Variants in BNC2 observed in about 807,000 individuals in gnomAD.
The protein encoded by BNC2 is basonuclin zinc finger protein 2.
BNC2 carries 20 observed loss-of-function variants against 76.3 expected under a neutral mutation model. The ratio of observed to expected loss-of-function variants is 0.26; its 90% CI spans 0.18 to 0.38. The LOEUF (loss-of-function observed/expected upper bound fraction) is 0.38. Ranked by LOEUF, BNC2 falls within the 10% of genes least tolerant of loss-of-function variation. The pLI is 1.00. For synonymous variants in BNC2, 582 were observed against 514.8 expected (o/e 1.13, Z -1.77); for missense variants, 1,382 against 1,399.8 (o/e 0.99, Z 0.20).
intron 3 of BNC2, among the ~76,000 whole-genome samples, chr9:16,657,162 C>T (rs1821954217): frequency 6.6e-6 from 1 of 151,974 alleles, no homozygotes; most frequent in African/African-American, 2.4e-5. Flanking sequence ...ATCAAATCTG[C>T]AGAAATTTAA....
At chr9:16,843,448 C>T (rs912167690) in intron 1 of BNC2, among the ~76,000 whole-genome samples, 1 of 152,300 alleles carries the variant, frequency 6.6e-6, no homozygotes, top group Admixed American at 6.5e-5. Context: ...GCCTCCACTG[C>T]CTCAGCCTCA....
intron 1 of BNC2, among the ~76,000 whole-genome samples, chr9:16,802,358 A>T (rs1817806411): frequency 6.6e-6 from 1 of 152,234 alleles, no homozygotes; most frequent in Non-Finnish European, 1.5e-5. Flanking sequence ...TGTCAGTCCT[A>T]TCAAATCATC....
intron 1 of BNC2, among the ~76,000 whole-genome samples, chr9:16,771,314 T>C (rs1050808857): frequency 6.6e-6 from 1 of 152,218 alleles, no homozygotes. Flanking sequence ...CCCTCTATAC[T>C]TAAAACAAGG....
chr9:16,425,830 G>A (rs1197406047), intron 6 of BNC2, among the ~76,000 whole-genome samples: 1 of 152,234 alleles, frequency 6.6e-6, no homozygotes, highest in Non-Finnish European at 1.5e-5. Flanking sequence ...AAATGTTAAT[G>A]TAGTGATGGC....
intron 1 of BNC2, among the ~76,000 whole-genome samples, chr9:16,855,624 A>G (rs902483631): frequency 2.6e-5 from 4 of 150,952 alleles, no homozygotes; most frequent in African/African-American, 4.9e-5. Flanking sequence ...TGCAACCTCC[A>G]CCTCCCGGGT....
intron 5 of BNC2, 59 bp downstream of exon 5, chr9:16,552,471 C>G (rs921227276): frequency 1.4e-6 from 2 of 1,473,648 alleles, no homozygotes; most frequent in Non-Finnish European, 9.4e-7. Flanking sequence ...CAAGGACTCT[C>G]ACCCTTCCCC....
chr9:16,691,856 G>A (rs1320063549), intron 3 of BNC2, among the ~76,000 whole-genome samples: 5 of 145,384 alleles, frequency 3.4e-5, no homozygotes, highest in Non-Finnish European at 6.0e-5. Flanking sequence ...TGTCACCCAG[G>A]CTGGAGTGCA....
chr9:16,418,698 ATGTGTG>A lies in BNC2; in HGVS notation c.*285_*290del, dbSNP rs745647566. 2.7e-5 allele frequency: 8 copies of A among 300,130 alleles called. 1 individual carries two copies. Among genetic ancestry groups the A allele is most frequent in the South Asian group, 2.5e-4 (8 of 31,612 alleles). The allele number at this position is 300,130 out of a possible 1,614,324, so 18.6% of individuals were successfully genotyped here. On this transcript the variant is annotated 3_prime_UTR_variant, in exon 7 of 7. Coordinates refer to ENST00000380672, the MANE Select transcript of BNC2 (RefSeq NM_017637.6). ...TGTGTGTGTGTGTGTGTGTATGTGC[ATGTGTG>A]TGTGTGTGTGTTTAAAGGGGTACTC...
rs1822678276 is a variant in BNC2 at position 16,508,380 on chromosome 9, T to A, written c.669+44150A>T. 3.9e-5 allele frequency among the ~76,000 whole-genome samples: 6 copies of A among 152,284 alleles called. No individual in the cohort carries two copies. The South Asian group carries it at 1.0e-3, about 26-fold the overall frequency. ...AGACTGTATCACCAACATCTTGCAATTAATAATACAAAGCAACAAAAGAGA... is the reference window on the plus strand; with the variant it reads ...AGACTGTATCACCAACATCTTGCAAATAATAATACAAAGCAACAAAAGAGA... On this transcript the variant is annotated intron_variant, in intron 5 of 6. Transcript: ENST00000380672.
rs1821529671 is a variant in BNC2 at position 16,459,583 on chromosome 9, C to T, written c.670-22059G>A. Among the ~76,000 whole-genome samples, 2 of 152,078 alleles carry T rather than the reference C, an allele frequency of 1.3e-5. 1 individual carries two copies. The highest frequency in any genetic ancestry group is 4.1e-4 in the South Asian group (2 of 4,832). On this transcript the variant is annotated intron_variant, in intron 5 of 6. Transcript: ENST00000380672. ...ATTCTCCACAGAAACACAAGCAATA[C>T]ACGGCAGGAGAATGGGGACTCAGGA...
chr9:16,622,426 A>T (rs1341121688), intron 3 of BNC2, among the ~76,000 whole-genome samples: 1 of 152,206 alleles, frequency 6.6e-6, no homozygotes, highest in Non-Finnish European at 1.5e-5. Context: ...AATAAAGAAT[A>T]TCTATGCCTT....
At chr9:16,552,843 T>C (rs2132541742) in intron 4 of BNC2, 78 bp from the exon 5 acceptor site, 1 of 1,171,718 alleles carries the variant, frequency 8.5e-7, no homozygotes, top group Admixed American at 1.8e-5. Context: ...GTTAGAAATA[T>C]TGCTGGAAGT....
chr9:16,862,763 T>G (rs952865914), intron 1 of BNC2, among the ~76,000 whole-genome samples: 9 of 152,130 alleles, frequency 5.9e-5, no homozygotes, highest in African/African-American at 1.9e-4. Context: ...AGTCCCTCTT[T>G]TCTCTTCTAC....
At chr9:16,862,966 G>C (rs556307115) in intron 1 of BNC2, among the ~76,000 whole-genome samples, 2 of 151,102 alleles carry the variant, frequency 1.3e-5, no homozygotes, top group Admixed American at 1.3e-4. Flanking sequence ...TCAGGCTAGA[G>C]TGCAGTGGCG....
At chr9:16,502,797 A>G (rs2131806225) in intron 5 of BNC2, among the ~76,000 whole-genome samples, 1 of 152,344 alleles carries the variant, frequency 6.6e-6, no homozygotes, top group East Asian at 1.9e-4. Context: ...TGCTGAAAAG[A>G]AAGTCTGTGA....
At chr9:16,534,756 T>A (rs762109656) in intron 5 of BNC2, among the ~76,000 whole-genome samples, 1 of 152,202 alleles carries the variant, frequency 6.6e-6, no homozygotes, top group East Asian at 1.9e-4. Context: ...AACCTAGATA[T>A]GATTTCTTTA....
intron 5 of BNC2, among the ~76,000 whole-genome samples, chr9:16,551,718 G>C (rs1271330387): frequency 6.6e-6 from 1 of 152,202 alleles, no homozygotes; most frequent in Non-Finnish European, 1.5e-5. Flanking sequence ...GACCCCTCAA[G>C]GGTTACAGGA....
chr9:16,439,302 C>T (rs1359455175), intron 5 of BNC2, among the ~76,000 whole-genome samples: 2 of 152,038 alleles, frequency 1.3e-5, no homozygotes, highest in Admixed American at 6.5e-5. Flanking sequence ...TCAGGCAAAC[C>T]AAAATTGAGG....
At chr9:16,766,059 T>C in intron 1 of BNC2, among the ~76,000 whole-genome samples, 2 of 152,150 alleles carry the variant, frequency 1.3e-5, no homozygotes, top group Non-Finnish European at 2.9e-5. Flanking sequence ...AGTGCTGGGA[T>C]TACAGGCGTG....
Sources: allele counts gnomAD v4.1 joint callset (sites outside exome capture counted in the v4.1 genomes callset), GRCh38; gene constraint gnomAD v4.1.1; transcripts MANE v1.5; gene names NCBI Gene and HGNC (gene_info 2026-07-23, HGNC 2026-07-21).